Variants in SVOPL observed in about 807,000 individuals in gnomAD.
The protein encoded by SVOPL is SVOP like.
In SVOPL, 60 loss-of-function variants were observed where a neutral mutation model predicts 61.0. The ratio of observed to expected loss-of-function variants is 0.98; its 90% CI spans 0.80 to 1.22. The LOEUF is 1.22. Among genes scored for constraint, SVOPL ranks in the 50% most tolerant of loss-of-function variants. The pLI is 0.00. For synonymous variants in SVOPL, 279 were observed against 250.0 expected (o/e 1.12, Z -1.09); for missense variants, 662 against 643.9 (o/e 1.03, Z -0.30).
Position 138,615,752 on chromosome 7 carries a change from A to G in SVOPL, c.1353+5294T>C, listed in dbSNP as rs62485302. 3.0e-4 allele frequency among the ~76,000 whole-genome samples: 10 copies of G among 33,760 alleles called. 3 individuals are homozygous for G. Among genetic ancestry groups the G allele is most frequent in the Non-Finnish European group, 6.9e-4 (7 of 10,134 alleles). The allele number at this position is 33,760 out of a possible 152,430, so 22.1% of individuals were successfully genotyped here. A position where few individuals can be genotyped will look rare whatever the true frequency, so the allele number is the denominator to read the frequency against. On this transcript the variant is annotated intron_variant, in intron 14 of 15. Coordinates refer to ENST00000674285, the MANE Select transcript of SVOPL (RefSeq NM_001139456.2). ...GGAGGTTGCAGTGAGCCGACATCACACCACTGCACTCCAGCCTGGGCGACA... is the reference window on the plus strand; with the variant it reads ...GGAGGTTGCAGTGAGCCGACATCACGCCACTGCACTCCAGCCTGGGCGACA...
intron 14 of SVOPL, among the ~76,000 whole-genome samples, chr7:138,619,288 G>C (rs1799442197): frequency 6.6e-6 from 1 of 151,954 alleles, no homozygotes; most frequent in Non-Finnish European, 1.5e-5. Flanking sequence ...CATGCCTGTA[G>C]TCCCAGCTAC....
chr7:138,642,246 C>A (rs1318806823), intron 9 of SVOPL, among the ~76,000 whole-genome samples: 6 of 129,620 alleles, frequency 4.6e-5, no homozygotes, highest in East Asian at 2.3e-4. Flanking sequence ...ACTCAACAAG[C>A]TAGAACAAAA....
intron 15 of SVOPL, among the ~76,000 whole-genome samples, 186 bp from the exon 16 acceptor site, chr7:138,594,807 A>G (rs192359284): frequency 1.2e-4 from 19 of 152,286 alleles, no homozygotes; most frequent in Admixed American, 1.1e-3. Flanking sequence ...AATATAATGC[A>G]GATGTCATTT....
chr7:138,621,934 C>G (rs1193719411), intron 13 of SVOPL, among the ~76,000 whole-genome samples: 5 of 72,998 alleles, frequency 6.8e-5, no homozygotes, highest in South Asian at 4.1e-4. Context: ...ATCTATGTAT[C>G]TATCTATCTA....
rs560499541 is a variant in SVOPL, at chr7:138,606,281, C to T, written c.1354-9751G>A. Among the ~76,000 whole-genome samples the T allele has an allele frequency of 6.9e-4, 105 of 151,940 alleles. 1 individual carries two copies. Among genetic ancestry groups the T allele is most frequent in the Non-Finnish European group, 1.9e-4 (13 of 68,008 alleles). ...CCAAGAAAATTAAGGAATGTGGACA[C>T]CAGGGGTGAGGTTGGAGAGAAAGTT... On this transcript the variant is annotated intron_variant, in intron 14 of 15. Transcript: ENST00000674285.
chr7:138,613,350 C>T (rs1214748752), intron 14 of SVOPL, among the ~76,000 whole-genome samples: 1 of 152,084 alleles, frequency 6.6e-6, no homozygotes, highest in African/African-American at 2.4e-5. Context: ...CAAAACTGAT[C>T]ATATCCCTCA....
At chr7:138,688,516 T>G (rs902497884) in intron 1 of SVOPL, among the ~76,000 whole-genome samples, 2 of 152,096 alleles carry the variant, frequency 1.3e-5, no homozygotes, top group Non-Finnish European at 2.9e-5. Flanking sequence ...GTGGTCCACC[T>G]GCCTTGGCCT....
chr7:138,670,012 T>G (rs1353109974), intron 4 of SVOPL, among the ~76,000 whole-genome samples: 1 of 152,172 alleles, frequency 6.6e-6, no homozygotes, highest in Non-Finnish European at 1.5e-5. Flanking sequence ...TGTTACTTCC[T>G]AAATATGTCC....
chr7:138,651,310 C>G (rs1489861318), intron 7 of SVOPL, among the ~76,000 whole-genome samples: 1 of 152,156 alleles, frequency 6.6e-6, no homozygotes, highest in African/African-American at 2.4e-5. Flanking sequence ...ATCCTGGGCT[C>G]AGAAAACCTT....
chr7:138,599,751 G>A (rs1050519095), intron 14 of SVOPL, among the ~76,000 whole-genome samples: 3 of 152,158 alleles, frequency 2.0e-5, no homozygotes, highest in African/African-American at 7.2e-5. Context: ...AGCAGGGCGT[G>A]GTGGTGTGCA....
chr7:138,700,864 AGATTGGGGATTTTCCCT>A, intron 1 of SVOPL, among the ~76,000 whole-genome samples: 1 of 152,340 alleles, frequency 6.6e-6, no homozygotes, highest in African/African-American at 2.4e-5. Flanking sequence ...AGAAACTGAT[AGATTGGGGATTTTCCCT>A]GAACTCAGAT....
intron 1 of SVOPL, among the ~76,000 whole-genome samples, chr7:138,688,295 G>GT (rs1198015091): frequency 5.3e-5 from 8 of 151,424 alleles, no homozygotes; most frequent in Non-Finnish European, 1.5e-5. Context: ...TTGAGACAGA[G>GT]TTTCACTCTT....
At chr7:138,681,111 C>T (rs181576623) in intron 1 of SVOPL, among the ~76,000 whole-genome samples, 111 of 149,184 alleles carry the variant, frequency 7.4e-4, no homozygotes, top group South Asian at 1.3e-3. Flanking sequence ...AATTTAGCTA[C>T]GTAAAAAATT....
At chr7:138,614,689 C>T (rs908333444) in intron 14 of SVOPL, among the ~76,000 whole-genome samples, 1 of 152,090 alleles carries the variant, frequency 6.6e-6, no homozygotes, top group South Asian at 2.1e-4. Flanking sequence ...GACCACCACG[C>T]CCGGCTGGCA....
Position 138,682,976 on chromosome 7 carries a change from A to AAG in SVOPL, c.-34-3898_-34-3897insCT, listed in dbSNP as rs1244399620. Among the ~76,000 whole-genome samples the AAG allele has an allele frequency of 7.3e-4, 110 of 150,792 alleles. 1 individual carries two copies. Among genetic ancestry groups the AAG allele is most frequent in the African/African-American group, 2.6e-3 (107 of 40,722 alleles). Reference sequence around the variant, plus strand: ...AGAGCAAAACTCCATCTCAAAAAAAAAAAAAAGAAAAAAAAAAGAAAAACA... The same window carrying AAG: ...AGAGCAAAACTCCATCTCAAAAAAAAAGAAAAAAGAAAAAAAAAAGAAAAACA... On this transcript the variant is annotated intron_variant, in intron 1 of 15. Transcript: ENST00000674285.
intron 14 of SVOPL, among the ~76,000 whole-genome samples, chr7:138,602,304 A>G (rs767723407): frequency 2.6e-5 from 4 of 152,192 alleles, no homozygotes; most frequent in Non-Finnish European, 5.9e-5. Flanking sequence ...AATAAAATGC[A>G]AACAATGTAT....
At chr7:138,646,679 C>T (rs961676542) in intron 8 of SVOPL, among the ~76,000 whole-genome samples, 1 of 152,092 alleles carries the variant, frequency 6.6e-6, no homozygotes, top group African/African-American at 2.4e-5. Flanking sequence ...CCACAACACC[C>T]AGCTAAAATT....
At chr7:138,602,652 C>G (rs1232786250) in intron 14 of SVOPL, among the ~76,000 whole-genome samples, 1 of 151,976 alleles carries the variant, frequency 6.6e-6, no homozygotes, top group Non-Finnish European at 1.5e-5. Flanking sequence ...AGCCTGAGTG[C>G]TCCTTCCTTT....
chr7:138,598,943 G>T (rs114630787), intron 14 of SVOPL, among the ~76,000 whole-genome samples: 2 of 151,896 alleles, frequency 1.3e-5, no homozygotes, highest in South Asian at 4.2e-4. Flanking sequence ...AATCCCAGCA[G>T]GATTTTGAGA....
Sources: allele counts gnomAD v4.1 joint callset (sites outside exome capture counted in the v4.1 genomes callset), GRCh38; gene constraint gnomAD v4.1.1; transcripts MANE v1.5; gene names NCBI Gene and HGNC (gene_info 2026-07-23, HGNC 2026-07-21).